PADI6: variants seen among roughly 807,000 people sequenced by gnomAD.
PADI6 encodes the protein inactive protein-arginine deiminase type-6.
In PADI6, 66 loss-of-function variants were observed where a neutral mutation model predicts 78.2. The ratio of observed to expected loss-of-function variants is 0.84; its 90% CI spans 0.69 to 1.04. The LOEUF (loss-of-function observed/expected upper bound fraction) is 1.04, where lower values mean the gene tolerates loss of function less well. Among genes scored for constraint, PADI6 ranks in the 50% least tolerant of loss-of-function variants. The pLI is 0.00. For synonymous variants in PADI6, 397 were observed against 346.9 expected, an observed-to-expected ratio of 1.14 and a Z score of -1.60; for missense variants, 854 against 866.1, an observed-to-expected ratio of 0.99 and a Z score of 0.18.
At chr1:17,382,175 C>G (rs2075079380) in intron 6 of PADI6, 83 bp downstream of exon 6, 1 of 1,518,870 alleles carries the variant, frequency 6.6e-7, no homozygotes, top group African/African-American at 1.4e-5. Context: ...CCAGCAAGGT[C>G]CCCAGCAGAA....
At chr1:17,394,827 TG>T in intron 11 of PADI6, 123 bp from the exon 12 acceptor site, 1 of 1,180,104 alleles carries the variant, frequency 8.5e-7, no homozygotes, top group Non-Finnish European at 1.2e-6. Context: ...ACATCCGCTA[TG>T]GACCGGCCTC....
Position 17,379,394 on chromosome 1 carries a change from G to A in PADI6, c.368-526G>A, listed in dbSNP as rs536137794. On this transcript the variant is annotated intron_variant, in intron 3 of 15. Transcript: ENST00000619609. ...CTCCCAAAGTGCTGGGATTACAGGC[G>A]TGAGCCATCGCGCCCGGCCGCCCAG... 5.6e-5 allele frequency among the ~76,000 whole-genome samples: 8 copies of A among 144,086 alleles called. No homozygotes were observed. The South Asian group carries it at 1.2e-3, about 22-fold the overall frequency. 94.5% of individuals were successfully genotyped at this position (144,086 alleles called of 152,430 possible). A position where few individuals can be genotyped will look rare whatever the true frequency, so the allele number is the denominator to read the frequency against.
At chr1:17,397,465 GGGCAGGGAGGAGCGCCAT>G (rs1466939815) in intron 14 of PADI6, among the ~76,000 whole-genome samples, 1 of 152,172 alleles carries the variant, frequency 6.6e-6, no homozygotes, top group African/African-American at 2.4e-5. Flanking sequence ...GGTGGGACAG[GGGCAGGGAGGAGCGCCAT>G]GGCATGTCGG....
rs745535484 is a variant in PADI6 at position 17,397,075 on chromosome 1, G to A, written c.1623G>A (p.Arg541=). ...LRADQLLSNG[R]EAKTIDQLLA... Reference sequence around the variant, plus strand: ...GCTGCCCGCTTCTTCCTACAGGAAGGGAAGCCAAAACCATCGACCAACTTC... The same window carrying A: ...GCTGCCCGCTTCTTCCTACAGGAAGAGAAGCCAAAACCATCGACCAACTTC... The change falls in exon 14 of 16, where the codon AGG becomes AGA. Residue 541 remains arginine, a synonymous_variant. Coordinates refer to ENST00000619609, the MANE Select transcript of PADI6 (RefSeq NM_207421.4). 6.2e-7 allele frequency: 1 copy of A among 1,613,774 alleles called. No individual in the cohort carries two copies. The highest frequency in any genetic ancestry group is 8.5e-7 in the Non-Finnish European group (1 of 1,179,844).
At chr1:17,383,057 A>G (rs2075088225) in intron 6 of PADI6, among the ~76,000 whole-genome samples, 1 of 152,208 alleles carries the variant, frequency 6.6e-6, no homozygotes, top group Non-Finnish European at 1.5e-5. Context: ...TGCTGGGATT[A>G]CAGGTGTGAG....
intron 9 of PADI6, among the ~76,000 whole-genome samples, chr1:17,393,151 A>G (rs971295351): frequency 2.6e-5 from 4 of 152,082 alleles, no homozygotes; most frequent in African/African-American, 9.7e-5. Flanking sequence ...CTCAAAAGAA[A>G]AAAAAAAATC....
At chr1:17,396,840 G>A (rs536906613) in intron 13 of PADI6, among the ~76,000 whole-genome samples, 1 of 152,356 alleles carries the variant, frequency 6.6e-6, no homozygotes, top group African/African-American at 2.4e-5. Context: ...TGGGGACAGA[G>A]TGGCCAGTGG....
rs1362010562 is a variant in PADI6, at chr1:17,375,477, T to C, written c.345T>C (p.Ala115=). ...ACGAGGATGCCCCCGTGGGCACAGC[T>C]GTGCTGTACCTCACTGGCATTGGTG... ...GPNEDAPVGT[A]VLYLTGIEVS... is the part of the protein sequence containing the mutation. Residue 115 remains alanine, a synonymous_variant, in exon 3 of 16, where the codon GCT becomes GCC. Coordinates refer to ENST00000619609, the MANE Select transcript of PADI6 (RefSeq NM_207421.4). The C allele has an allele frequency of 2.2e-5, 35 of 1,609,494 alleles. No individual in the cohort carries two copies. The highest frequency in any genetic ancestry group is 3.0e-5 in the Non-Finnish European group (35 of 1,177,972).
chr1:17,398,976 G>A, intron 15 of PADI6, 129 bp downstream of exon 15: 1 of 1,057,254 alleles, frequency 9.5e-7, no homozygotes, highest in Non-Finnish European at 1.3e-6. Flanking sequence ...ATGGGAGGGA[G>A]ACCCCTTCTC....
intron 6 of PADI6, among the ~76,000 whole-genome samples, chr1:17,382,854 C>A (rs777714351): frequency 6.6e-6 from 1 of 152,194 alleles, no homozygotes; most frequent in Non-Finnish European, 1.5e-5. Flanking sequence ...AGTGTGATCA[C>A]AGCTCACTGT....
At chr1:17,395,886 T>C (rs1215121231) in intron 13 of PADI6, among the ~76,000 whole-genome samples, 1 of 152,134 alleles carries the variant, frequency 6.6e-6, no homozygotes, top group Non-Finnish European at 1.5e-5. Context: ...TTGGATGTAT[T>C]TGAAGGGGGA....
rs371462901 is a variant in PADI6 at position 17,388,840 on chromosome 1, A to G, written c.922A>G (p.Ile308Val). 1.2e-5 allele frequency: 20 copies of G among 1,613,702 alleles called. No homozygotes were observed. In the East Asian group the frequency reaches 1.3e-4, roughly 11 times the overall value. The change falls in exon 8 of 16, where the codon ATT becomes GTT. Residue 308 changes from isoleucine (I) to valine (V), a missense_variant. By Grantham distance (29) the Ile-to-Val change is conservative. Coordinates refer to ENST00000619609, the MANE Select transcript of PADI6 (RefSeq NM_207421.4). ...GTTCCGGGTGGCTCCCTGTGTCTTCATTCCCTGTACCCAGGTGCCTCTGGA... is the reference window on the plus strand; with the variant it reads ...GTTCCGGGTGGCTCCCTGTGTCTTCGTTCCCTGTACCCAGGTGCCTCTGGA... ...VVFRVAPCVF[I>V]PCTQVPLEVY... is the part of the protein sequence containing the mutation.
rs1553152238 is a variant in PADI6, at chr1:17,378,956, G to GT, written c.368-964_368-963insT. Among the ~76,000 whole-genome samples, 5 of 88,478 alleles carry GT rather than the reference G, an allele frequency of 5.7e-5. No individual in the cohort carries two copies. In the South Asian group the frequency reaches 1.5e-3, roughly 27 times the overall value. The allele number at this position is 88,478 out of a possible 152,430, so 58.0% of individuals were successfully genotyped here. A position where few individuals can be genotyped will look rare whatever the true frequency, so the allele number is the denominator to read the frequency against. On this transcript the variant is annotated intron_variant, in intron 3 of 15. Transcript: ENST00000619609. ...AATTGTCATGTATTGAATTTTTTTT[G>GT]GGGGGGGGGACAGAATCTTGCTCTG...
intron 6 of PADI6, among the ~76,000 whole-genome samples, chr1:17,386,122 G>A (rs2075116834): frequency 6.6e-6 from 1 of 152,118 alleles, no homozygotes; most frequent in Non-Finnish European, 1.5e-5. Context: ...GGCAGGGAGG[G>A]CCTTCCAGGT....
chr1:17,395,209 TTTTTTGTTTGTTTTTTGA>T, intron 12 of PADI6, 102 bp downstream of exon 12: 1 of 1,394,968 alleles, frequency 7.2e-7, no homozygotes, highest in Non-Finnish European at 9.5e-7. Context: ...GTTTTTTTTT[TTTTTTGTTTGTTTTTTGA>T]GAGTCTTGCT....
rs754593236 is a variant in PADI6, at chr1:17,394,304, C to T, written c.1187C>T (p.Pro396Leu). The T allele has an allele frequency of 6.2e-7, 1 of 1,612,806 alleles. No homozygotes were observed. The highest frequency in any genetic ancestry group is 1.3e-5 in the African/African-American group (1 of 74,900). The change falls in exon 11 of 16, where the codon CCT becomes CTT. Residue 396 changes from proline to leucine, a missense_variant. Transcript: ENST00000619609. ...CTGGCTCGGTCTCTCCCCCAGAGCCCTGGTATTGGCTACATGATCCAGGAC... is the reference window on the plus strand; with the variant it reads ...CTGGCTCGGTCTCTCCCCCAGAGCCTTGGTATTGGCTACATGATCCAGGAC... ...DEFPMKYSLS[P>L]GIGYMIQDTE... is the part of the protein sequence containing the mutation.
chr1:17,378,588 C>A (rs767887958), intron 3 of PADI6, among the ~76,000 whole-genome samples: 1 of 152,024 alleles, frequency 6.6e-6, no homozygotes, highest in Non-Finnish European at 1.5e-5. Context: ...AAGCCTAGAT[C>A]CTTAAGTGTG....
At chr1:17,387,404 C>T (rs926189333) in intron 6 of PADI6, among the ~76,000 whole-genome samples, 5 of 150,814 alleles carry the variant, frequency 3.3e-5, no homozygotes, top group Non-Finnish European at 5.9e-5. Flanking sequence ...GAGATAGTGC[C>T]GCTACACTCT....
intron 3 of PADI6, among the ~76,000 whole-genome samples, chr1:17,379,119 T>TAGTAGAGATGCGA (rs2075047696): frequency 1.1e-4 from 14 of 128,958 alleles, no homozygotes; most frequent in African/African-American, 5.1e-4. Flanking sequence ...TAATTTTTTT[T>TAGTAGAGATGCGA]TTTTTTTTTT....
Sources: gnomAD v4.1 joint callset for allele counts (sites outside exome capture counted in the v4.1 genomes callset) on GRCh38, gnomAD v4.1.1 for gene constraint, MANE v1.5 for transcripts, NCBI Gene and HGNC (gene_info 2026-07-23, HGNC 2026-07-21) for gene names.